The following DEGS2 variants were observed in gnomAD, a reference collection of about 807,000 sequenced individuals.
DEGS2 encodes delta 4-desaturase, sphingolipid 2, also known as sphingolipid delta(4)-desaturase/C4-monooxygenase DES2.
A neutral mutation model predicts 23.8 loss-of-function variants in DEGS2; 19 were observed. That is an observed-to-expected ratio of 0.80 (90% CI 0.56 to 1.17). The LOEUF is 1.17. Among genes scored for constraint, DEGS2 ranks in the 50% most tolerant of loss-of-function variants. The pLI is 0.00. For missense variants in DEGS2, 390 were observed against 459.5 expected, an observed-to-expected ratio of 0.85 and a Z score of 1.38; for synonymous variants, 218 against 213.7, an observed-to-expected ratio of 1.02 and a Z score of -0.18.
At position 100,148,950 on chromosome 14, in the gene DEGS2, G is replaced by A. The variant is rs377343018; in HGVS notation, c.825+18C>T. 6.2e-7 allele frequency: 1 copy of A among 1,607,316 alleles called. No homozygotes were observed. The highest frequency in any genetic ancestry group is 1.3e-5 in the African/African-American group (1 of 74,864). On this transcript the variant is annotated intron_variant, in intron 2 of 2. Coordinates refer to ENST00000305631, the MANE Select transcript of DEGS2 (RefSeq NM_206918.3). ...TGCAGCCCTGCCCCGCCGCAGCCCTGCCAGCCCAGCCACATACCAGCGGCA... is the reference window on the plus strand; with the variant it reads ...TGCAGCCCTGCCCCGCCGCAGCCCTACCAGCCCAGCCACATACCAGCGGCA...
chr14:100,149,177 G>A lies in DEGS2; in HGVS notation c.616C>T (p.Leu206Phe), dbSNP rs1449884055. 6.2e-7 allele frequency: 1 copy of A among 1,612,836 alleles called. No individual in the cohort carries two copies. Among genetic ancestry groups the A allele is most frequent in the Non-Finnish European group, 8.5e-7 (1 of 1,179,932 alleles). The stretch of plus-strand genomic sequence containing the variant: ...GCCAGCAGGTAGACCACGGGCTTGA[G>A]CCCCCAAAGGGCAAAGATGGCCAGG... ...ADLAIFALWG[L>F]KPVVYLLASS... Residue 206 changes from leucine to phenylalanine, a missense_variant, in exon 2 of 3, where the codon CTC (leucine) becomes TTC (phenylalanine). Leu to Phe is a conservative substitution (Grantham distance 22). Transcript: ENST00000305631.
At chr14:100,152,559 C>T (rs1889590571) in intron 1 of DEGS2, among the ~76,000 whole-genome samples, 1 of 152,180 alleles carries the variant, frequency 6.6e-6, no homozygotes, top group Non-Finnish European at 1.5e-5. Context: ...TCCCTCTCTC[C>T]TCCCATCCTT....
intron 2 of DEGS2, among the ~76,000 whole-genome samples, chr14:100,148,212 C>T (rs147001276): frequency 3.9e-5 from 6 of 152,328 alleles, no homozygotes; most frequent in South Asian, 2.1e-4. Context: ...CAAATGCCTG[C>T]GCACGTGGGC....
At chr14:100,146,997 G>T (rs1224390857) in intron 2 of DEGS2, 90 bp from the exon 3 acceptor site, 1 of 1,422,168 alleles carries the variant, frequency 7.0e-7, no homozygotes, top group Non-Finnish European at 9.6e-7. Context: ...CACGCGGTGG[G>T]CATGCACATG....
chr14:100,165,814 A>G, the DEGS2 span, among the ~76,000 whole-genome samples: 10 of 138,916 alleles, frequency 7.2e-5, no homozygotes, highest in South Asian at 2.2e-3. Flanking sequence ...GGGCAAACAG[A>G]GCTGCTGTTT....
chr14:100,150,227 C>T lies in DEGS2; in HGVS notation c.83-517G>A, dbSNP rs567014030. ...CCCAGGCGCAGGGCCAAGGAAGTCG[C>T]ATGCAAAGTCCCCTTTGTGTGTCTG... On this transcript the variant is annotated intron_variant, in intron 1 of 2. Coordinates refer to ENST00000305631, the MANE Select transcript of DEGS2 (RefSeq NM_206918.3). 2.6e-5 allele frequency among the ~76,000 whole-genome samples: 4 copies of T among 152,298 alleles called. No homozygotes were observed. The South Asian group carries it at 8.3e-4, about 32-fold the overall frequency.
intron 1 of DEGS2, among the ~76,000 whole-genome samples, chr14:100,157,108 TCCTGGAGGGCCAGGTACCA>T (rs1889670887): frequency 1.3e-5 from 2 of 152,166 alleles, no homozygotes; most frequent in African/African-American, 2.4e-5. Flanking sequence ...CTTCCCCACG[TCCTGGAGGGCCAGGTACCA>T]CCTCGGGCAC....
At chr14:100,163,999 T>A (rs1312900965), upstream of DEGS2, among the ~76,000 whole-genome samples, 2 of 152,114 alleles carry the variant, frequency 1.3e-5, no homozygotes, top group Non-Finnish European at 2.9e-5. Flanking sequence ...CAGATTAACT[T>A]AAGCCCCGGA....
At chr14:100,153,256 TAGATAGATAGATAGATAG>T (rs1889603947) in intron 1 of DEGS2, among the ~76,000 whole-genome samples, 1 of 25,408 alleles carries the variant, frequency 3.9e-5, no homozygotes, top group Non-Finnish European at 9.3e-5. Flanking sequence ...CAAAAACAGA[TAGATAGATAGATAGATAG>T]ATAGATAGAT....
At chr14:100,151,532 A>G (rs921156469) in intron 1 of DEGS2, among the ~76,000 whole-genome samples, 14 of 152,200 alleles carry the variant, frequency 9.2e-5, no homozygotes, top group Non-Finnish European at 1.8e-4. Flanking sequence ...AAGGAGCTGA[A>G]CGAGCAGAGA....
rs147434857 is a variant in DEGS2, at chr14:100,149,648, C to T, written c.145G>A (p.Val49Met). The change falls in exon 2 of 3, where the codon GTG (valine) becomes ATG (methionine). Residue 49 changes from valine (V) to methionine (M), a missense_variant. Coordinates refer to ENST00000305631, the MANE Select transcript of DEGS2 (RefSeq NM_206918.3). ...PDPRLKWAVL[V>M]LVLVQMLACW... ...GCCAGCATCTGCACCAGCACCAGCACCAGCACCGCCCACTTGAGGCGCGGG... is the reference window on the plus strand; with the variant it reads ...GCCAGCATCTGCACCAGCACCAGCATCAGCACCGCCCACTTGAGGCGCGGG... 1.2e-6 allele frequency: 2 copies of T among 1,611,916 alleles called. No individual in the cohort carries two copies. The highest frequency in any genetic ancestry group is 4.5e-5 in the East Asian group (2 of 44,868).
chr14:100,156,332 G>A (rs1889657637), intron 1 of DEGS2, among the ~76,000 whole-genome samples: 1 of 152,214 alleles, frequency 6.6e-6, no homozygotes, highest in African/African-American at 2.4e-5. Context: ...TCCAAGGCCT[G>A]GGAATAGCAT....
In DEGS2 at chr14:100,146,685, G is replaced by A. The variant is rs888623284; in HGVS notation, c.*76C>T. ...GCAGTCCAGAGCACAGGAAGGAAAT[G>A]TAGCTTCTCAGTGCTGGGGTGCAAG... is the stretch of plus-strand genomic sequence containing the variant. On this transcript the variant is annotated 3_prime_UTR_variant, in exon 3 of 3. Transcript: ENST00000305631. 1 of 1,556,850 alleles carries A rather than the reference G, an allele frequency of 6.4e-7. No individual in the cohort carries two copies. Among genetic ancestry groups the A allele is most frequent in the Non-Finnish European group, 8.7e-7 (1 of 1,150,412 alleles).
chr14:100,155,107 C>G lies in DEGS2; in HGVS notation c.82+4399G>C, dbSNP rs553570176. On this transcript the variant is annotated intron_variant, in intron 1 of 2. Coordinates refer to ENST00000305631, the MANE Select transcript of DEGS2 (RefSeq NM_206918.3). ...ACTCACTGGCCACATGGGAGGTGCCCGTCACTGCCCATCATCCCTCCAACA... is the reference window on the plus strand; with the variant it reads ...ACTCACTGGCCACATGGGAGGTGCCGGTCACTGCCCATCATCCCTCCAACA... Among the ~76,000 whole-genome samples, 114 of 152,296 alleles carry G rather than the reference C, an allele frequency of 7.5e-4. 2 individuals carry two copies. The highest frequency in any genetic ancestry group is 5.9e-4 in the Non-Finnish European group (40 of 68,020).
upstream of DEGS2, among the ~76,000 whole-genome samples, chr14:100,164,002 G>A (rs12590264): frequency 0.26 from 39,676 of 152,010 alleles, 5,771 homozygotes; most frequent in East Asian, 0.43. Context: ...ATTAACTTAA[G>A]CCCCGGAGTT....
chr14:100,157,409 T>C (rs79319525), intron 1 of DEGS2, among the ~76,000 whole-genome samples: 3,991 of 152,202 alleles, frequency 0.026, 179 homozygotes, highest in African/African-American at 0.091. Flanking sequence ...GGGACAGAAA[T>C]GCAAACAGGG....
chr14:100,156,388 C>T, intron 1 of DEGS2, among the ~76,000 whole-genome samples: 1 of 152,268 alleles, frequency 6.6e-6, no homozygotes, highest in South Asian at 2.1e-4. Context: ...AGGGAAACGA[C>T]AGCCCTTGCC....
In DEGS2 at chr14:100,149,016, G is replaced by T. The variant is rs368799597; in HGVS notation, c.777C>A (p.His259Gln). Residue 259 changes from histidine (H) to glutamine (Q), a missense_variant, in exon 2 of 3, where the codon CAC becomes CAA. Physicochemically the swap from His to Gln is conservative, Grantham distance 24. Transcript: ENST00000305631. Reference protein sequence around the residue: ...LNWITFNVGYHVEHHDFPSIP... With the variant: ...LNWITFNVGYQVEHHDFPSIP... The stretch of plus-strand genomic sequence containing the variant: ...TGCTGGGGAAGTCGTGGTGCTCCAC[G>T]TGGTAGCCCACATTGAAGGTGATCC... The T allele has an allele frequency of 6.2e-7, 1 of 1,612,732 alleles. No homozygotes were observed. The highest frequency in any genetic ancestry group is 8.5e-7 in the Non-Finnish European group (1 of 1,179,994).
At chr14:100,154,457 A>C (rs1411137769) in intron 1 of DEGS2, among the ~76,000 whole-genome samples, 1 of 151,946 alleles carries the variant, frequency 6.6e-6, no homozygotes, top group Non-Finnish European at 1.5e-5. Context: ...CTGTCTCCTC[A>C]GTCTCCATCT....
Sources: gnomAD v4.1 joint callset for allele counts (sites outside exome capture counted in the v4.1 genomes callset) on GRCh38, gnomAD v4.1.1 for gene constraint, MANE v1.5 for transcripts, NCBI Gene and HGNC (gene_info 2026-07-23, HGNC 2026-07-21) for gene names.